The following NIF3L1 variants were observed in gnomAD, a reference collection of about 807,000 sequenced individuals.
The protein encoded by NIF3L1 is NGG1 interacting factor 3 like 1.
A neutral mutation model predicts 35.0 loss-of-function variants in NIF3L1; 26 were observed. The ratio of observed to expected loss-of-function variants is 0.74; its 90% CI spans 0.54 to 1.03. The LOEUF (loss-of-function observed/expected upper bound fraction) is 1.03, where lower values mean the gene tolerates loss of function less well. Among genes scored for constraint, NIF3L1 ranks in the 50% least tolerant of loss-of-function variants. The pLI, the probability that NIF3L1 is intolerant of heterozygous loss-of-function variation, is 0.00. For synonymous variants in NIF3L1, 157 were observed against 178.9 expected, an observed-to-expected ratio of 0.88 and a Z score of 0.98; for missense variants, 449 against 466.3, an observed-to-expected ratio of 0.96 and a Z score of 0.34.
intron 6 of NIF3L1, among the ~76,000 whole-genome samples, chr2:200,901,653 T>C (rs373353745): frequency 1.3e-5 from 2 of 152,190 alleles, no homozygotes; most frequent in East Asian, 3.8e-4. Context: ...TGTATTAGGT[T>C]GTTAAGGGTA....
intron 5 of NIF3L1, among the ~76,000 whole-genome samples, chr2:200,897,682 T>C (rs1006406084): frequency 3.9e-5 from 6 of 152,248 alleles, no homozygotes; most frequent in Admixed American, 2.0e-4. Context: ...TTTGCACTTA[T>C]AAGACTGGTA....
intron 1 of NIF3L1, 75 bp downstream of exon 1, chr2:200,889,727 C>G (rs530039335): frequency 2.6e-5 from 4 of 152,584 alleles, no homozygotes; most frequent in Admixed American, 6.5e-5. Context: ...AGTGCTTACT[C>G]TAGGACGGGA....
rs1251898154 is a variant in NIF3L1 at position 200,893,273 on chromosome 2, C to T, written c.464C>T (p.Pro155Leu). 2 of 1,566,858 alleles carry T rather than the reference C, an allele frequency of 1.3e-6. 1 individual carries two copies. The highest frequency in any genetic ancestry group is 2.3e-5 in the South Asian group (2 of 85,882). Residue 155 changes from proline to leucine, a missense_variant, in exon 3 of 7, where the codon CCT becomes CTT. Coordinates refer to ENST00000409020, the MANE Select transcript of NIF3L1 (RefSeq NM_001369441.2). Reference protein sequence around the residue: ...LGACTSRPIHPSKAPNYPTEG... With the variant: ...LGACTSRPIHLSKAPNYPTEG... The stretch of plus-strand genomic sequence containing the variant: ...GCTTGTACCTCCAGGCCCATACATC[C>T]TTCCAAAGCTCCCAACTACCCTACA...
chr2:200,902,531 G>C (rs919688493), intron 6 of NIF3L1, among the ~76,000 whole-genome samples: 1 of 152,018 alleles, frequency 6.6e-6, no homozygotes, highest in Non-Finnish European at 1.5e-5. Flanking sequence ...TCGTGCTACT[G>C]TACTCCAGCC....
intron 3 of NIF3L1, among the ~76,000 whole-genome samples, chr2:200,895,014 T>C (rs1317036744): frequency 6.6e-6 from 1 of 152,150 alleles, no homozygotes; most frequent in African/African-American, 2.4e-5. Flanking sequence ...CTAGATATAA[T>C]GAATCAGAAA....
chr2:200,897,591 A>G (rs928725554), intron 5 of NIF3L1, among the ~76,000 whole-genome samples: 1 of 152,160 alleles, frequency 6.6e-6, no homozygotes, highest in Non-Finnish European at 1.5e-5. Context: ...GCCCAATACA[A>G]GCAAGGGAGG....
In NIF3L1 at chr2:200,892,308, G is replaced by A. The variant is rs775102272; in HGVS notation, c.365G>A (p.Gly122Asp). The A allele has an allele frequency of 6.2e-7, 1 of 1,613,756 alleles. No individual in the cohort carries two copies. Among genetic ancestry groups the A allele is most frequent in the Non-Finnish European group, 8.5e-7 (1 of 1,180,024 alleles). ...ATCCGGGCTCTGGAGAACAGAGTCG[G>A]TATCTACTCTCCTCATACAGCCTAT... Reference protein sequence around the residue: ...LVIRALENRVGIYSPHTAYDA... With the variant: ...LVIRALENRVDIYSPHTAYDA... Residue 122 changes from glycine to aspartate, a missense_variant, in exon 2 of 7, where the codon GGT becomes GAT. By Grantham distance (94) the Gly-to-Asp change is moderately conservative. Transcript: ENST00000409020.
At chr2:200,894,710 CTTTTT>C (rs74740047) in intron 3 of NIF3L1, among the ~76,000 whole-genome samples, 1 of 123,742 alleles carries the variant, frequency 8.1e-6, no homozygotes, top group African/African-American at 2.9e-5. Context: ...GCCTGGCCTT[CTTTTT>C]TTTTTTTTTT....
intron 3 of NIF3L1, among the ~76,000 whole-genome samples, chr2:200,895,045 ACT>A (rs2040277779): frequency 2.6e-5 from 4 of 152,062 alleles, no homozygotes; most frequent in Admixed American, 2.0e-4. Flanking sequence ...GGGGCCCAGC[ACT>A]CTGTGTTTTA....
intron 4 of NIF3L1, among the ~76,000 whole-genome samples, chr2:200,896,137 T>C (rs2040307681): frequency 1.3e-5 from 2 of 152,150 alleles, no homozygotes; most frequent in Non-Finnish European, 2.9e-5. Context: ...GTTGAAACTC[T>C]CATTTTCTGC....
intron 5 of NIF3L1, among the ~76,000 whole-genome samples, chr2:200,897,842 T>C (rs1454733875): frequency 1.3e-5 from 2 of 152,216 alleles, no homozygotes; most frequent in African/African-American, 2.4e-5. Context: ...AGCACTGTAC[T>C]GATTGTCTGT....
chr2:200,896,960 C>A, intron 4 of NIF3L1, 116 bp from the exon 5 acceptor site: 1 of 976,662 alleles, frequency 1.0e-6, no homozygotes. Flanking sequence ...GTTTGTATCC[C>A]CACATTTAGC....
intron 2 of NIF3L1, 43 bp from the exon 3 acceptor site, chr2:200,893,203 C>G (rs1402726863): frequency 7.0e-7 from 1 of 1,432,110 alleles, no homozygotes; most frequent in Non-Finnish European, 9.3e-7. Context: ...ATCTTAATCT[C>G]TCACCCCCCA....
intron 3 of NIF3L1, 143 bp downstream of exon 3, chr2:200,893,551 G>T (rs1293864514): frequency 1.6e-5 from 12 of 756,728 alleles, no homozygotes; most frequent in Non-Finnish European, 2.1e-5. Context: ...TCATTTGTTT[G>T]TGGGTCCTGG....
In NIF3L1 at chr2:200,892,265, T is replaced by C. The variant is rs1194813589; in HGVS notation, c.322T>C (p.Trp108Arg). 4.3e-6 allele frequency: 7 copies of C among 1,614,146 alleles called. No homozygotes were observed. The highest frequency in any genetic ancestry group is 5.9e-6 in the Non-Finnish European group (7 of 1,180,034). ...CATGAAGCGCATAACCTGGAACACA[T>C]GGAAGGAGCGCCTGGTGATCCGGGC... The part of the protein sequence containing the change: ...RPMKRITWNT[W>R]KERLVIRALE... Residue 108 changes from tryptophan to arginine, a missense_variant, in exon 2 of 7, where the codon TGG (tryptophan) becomes CGG (arginine). Transcript: ENST00000409020.
chr2:200,897,201 G>C lies in NIF3L1; in HGVS notation c.852G>C (p.Val284=), dbSNP rs764222806. Residue 284 remains valine, a synonymous_variant, in exon 5 of 7, where the codon GTG becomes GTC. Coordinates refer to ENST00000409020, the MANE Select transcript of NIF3L1 (RefSeq NM_001369441.2). ...KLSHIRLALG[V]GRTLESQVKV... ...CTCATATTCGCTTAGCCCTTGGGGT[G>C]GGGAGAACCTTAGGTAAATATAGCT... 6.2e-7 allele frequency: 1 copy of C among 1,613,696 alleles called. No individual in the cohort carries two copies. Among genetic ancestry groups the C allele is most frequent in the South Asian group, 1.1e-5 (1 of 91,034 alleles).
In NIF3L1 at chr2:200,903,564, C is replaced by A; in HGVS notation, c.1020C>A (p.Ser340Arg). ...QGINVILCEH[S>R]NTERGFLSDL... ...TAAATGTCATCCTCTGTGAACACAG[C>A]AACACTGAACGAGGCTTTCTTTCTG... Residue 340 changes from serine (S) to arginine (R), a missense_variant, in exon 7 of 7, where the codon AGC (serine) becomes AGA (arginine). Coordinates refer to ENST00000409020, the MANE Select transcript of NIF3L1 (RefSeq NM_001369441.2). 6.2e-7 allele frequency: 1 copy of A among 1,613,936 alleles called. No individual in the cohort carries two copies.
chr2:200,898,519 G>A (rs1343162530), intron 5 of NIF3L1, among the ~76,000 whole-genome samples: 1 of 152,156 alleles, frequency 6.6e-6, no homozygotes, highest in South Asian at 2.1e-4. Context: ...TTTGGATGGG[G>A]ACACAGAGCC....
intron 3 of NIF3L1, among the ~76,000 whole-genome samples, chr2:200,893,752 G>A (rs965026911): frequency 1.3e-5 from 2 of 152,144 alleles, no homozygotes; most frequent in Non-Finnish European, 2.9e-5. Flanking sequence ...TTGGTTCCCA[G>A]CAAATCAGTG....
Sources: gnomAD v4.1 joint callset for allele counts (sites outside exome capture counted in the v4.1 genomes callset) on GRCh38, gnomAD v4.1.1 for gene constraint, MANE v1.5 for transcripts, NCBI Gene and HGNC (gene_info 2026-07-23, HGNC 2026-07-21) for gene names.